Variants in SART1 observed in about 807,000 individuals in gnomAD.
The protein encoded by SART1 is U4/U6.U5 tri-snRNP-associated protein 1.
SART1 carries 28 observed loss-of-function variants against 105.0 expected under a neutral mutation model. The observed-to-expected ratio is 0.27, with a 90% confidence interval of 0.20 to 0.37. The LOEUF (loss-of-function observed/expected upper bound fraction) is 0.37. Ranked by LOEUF, SART1 falls within the 10% of genes least tolerant of loss-of-function variation. SART1 has a pLI of 1.00. For synonymous variants in SART1, 472 were observed against 462.9 expected (o/e 1.02, Z -0.25); for missense variants, 894 against 1,106.5 (o/e 0.81, Z 2.72).
chr11:65,962,119 G>A, intron 1 of SART1, 26 bp downstream of exon 1: 2 of 1,109,926 alleles, frequency 1.8e-6, no homozygotes, highest in Non-Finnish European at 2.5e-6. Context: ...CTGCGCAGGG[G>A]GCGGGTCGGG....
At position 65,966,572 on chromosome 11, in the gene SART1, C is replaced by A; in HGVS notation, c.1188+16C>A. 6.7e-7 allele frequency: 1 copy of A among 1,486,982 alleles called. No individual in the cohort carries two copies. The allele number at this position is 1,486,982 out of a possible 1,614,324, so 92.1% of individuals were successfully genotyped here. On this transcript the variant is annotated intron_variant, in intron 9 of 19. Transcript: ENST00000312397. ...TGAGGAGATGGTGAGCCCTCCCGTG[C>A]CTTATACTCGGGGTCAAGATTCTCC...
intron 2 of SART1, 53 bp from the exon 3 acceptor site, chr11:65,964,462 C>T: frequency 6.3e-7 from 1 of 1,596,824 alleles, no homozygotes; most frequent in Middle Eastern, 1.7e-4. Context: ...TGGAAATGCA[C>T]ATGGCACCCT....
At chr11:65,972,593 C>T (rs1200158612) in intron 12 of SART1, among the ~76,000 whole-genome samples, 1 of 152,002 alleles carries the variant, frequency 6.6e-6, no homozygotes, top group Non-Finnish European at 1.5e-5. Flanking sequence ...CCCTACCAAC[C>T]CCATCTCTAA....
chr11:65,969,215 G>A, intron 12 of SART1, among the ~76,000 whole-genome samples: 1 of 152,198 alleles, frequency 6.6e-6, no homozygotes, highest in South Asian at 2.1e-4. Context: ...CACCTTGAAT[G>A]CTGTGCTGTT....
rs750051780 is a variant in SART1 at position 65,967,472 on chromosome 11, C to T, written c.1315C>T (p.Leu439=). Residue 439 remains leucine (L), a splice_region_variant and synonymous_variant, in exon 11 of 20, where the codon CTG becomes TTG. Transcript: ENST00000312397. ...QTQDGDFGSR[L]RGRGRRRVSE... ...ACCAGAGAGGCCTCCTTCCCTCAGA[C>T]TGCGGGGACGGGGTCGCCGCCGAGT... The T allele has an allele frequency of 1.2e-6, 2 of 1,613,398 alleles. No individual in the cohort carries two copies. Among genetic ancestry groups the T allele is most frequent in the African/African-American group, 1.3e-5 (1 of 74,908 alleles).
rs200956510 is a variant in SART1, at chr11:65,963,481, TG to T, written c.314-592del. 3.9e-3 allele frequency among the ~76,000 whole-genome samples: 582 copies of T among 150,342 alleles called. 6 individuals are homozygous for T. Among genetic ancestry groups the T allele is most frequent in the African/African-American group, 0.011 (441 of 41,310 alleles). ...TGCAGGAAAGGAAGAGTTTTTTTTT[TG>T]TTTTGTTTTGTTTTTTTGAGACAAA... On this transcript the variant is annotated intron_variant, in intron 1 of 19. Coordinates refer to ENST00000312397, the MANE Select transcript of SART1 (RefSeq NM_005146.5).
At chr11:65,975,369 C>G (rs1452323079) in intron 12 of SART1, among the ~76,000 whole-genome samples, 1 of 147,822 alleles carries the variant, frequency 6.8e-6, no homozygotes, top group Non-Finnish European at 1.5e-5. Context: ...TCCCAAAGTG[C>G]TAGGATTATA....
chr11:65,966,915 G>C (rs970345374), intron 9 of SART1, among the ~76,000 whole-genome samples: 5 of 152,190 alleles, frequency 3.3e-5, no homozygotes, highest in Admixed American at 2.6e-4. Context: ...AGAGGTGTGC[G>C]TGGATTCTGT....
chr11:65,966,122 G>T lies in SART1; in HGVS notation c.885G>T (p.Val295=). Residue 295 remains valine (V), a synonymous_variant, in exon 8 of 20, where the codon GTG becomes GTT. Transcript: ENST00000312397. Reference sequence around the variant, plus strand: ...ACGTGCTGGTGAACGTGAACCTGGTGGATAAGGAGCGGGCAGAGAAAAATG... The same window carrying T: ...ACGTGCTGGTGAACGTGAACCTGGTTGATAAGGAGCGGGCAGAGAAAAATG... ...EEDVLVNVNL[V]DKERAEKNVE... is the part of the protein sequence containing the mutation. 1 of 1,613,992 alleles carries T rather than the reference G, an allele frequency of 6.2e-7. No individual in the cohort carries two copies. The highest frequency in any genetic ancestry group is 1.1e-5 in the South Asian group (1 of 91,084).
Position 65,966,158 on chromosome 11 carries a change from G to C in SART1, c.921G>C (p.Arg307=), listed in dbSNP as rs1272158906. ...GGGCAGAGAAAAATGTGGAGCTGCG[G>C]AAGAAGAAGCCTGACTACCTGCCCT... ...KERAEKNVEL[R]KKKPDYLPYA... Residue 307 remains arginine, a synonymous_variant, in exon 8 of 20, where the codon CGG becomes CGC. Coordinates refer to ENST00000312397, the MANE Select transcript of SART1 (RefSeq NM_005146.5). 6.2e-7 allele frequency: 1 copy of C among 1,614,016 alleles called. No individual in the cohort carries two copies. Among genetic ancestry groups the C allele is most frequent in the East Asian group, 2.2e-5 (1 of 44,880 alleles).
chr11:65,968,095 G>A lies in SART1; in HGVS notation c.1572+274G>A, dbSNP rs375455328. Among the ~76,000 whole-genome samples the A allele has an allele frequency of 4.9e-4, 75 of 152,072 alleles. 2 individuals carry two copies. In the South Asian group the frequency reaches 0.013, roughly 27 times the overall value. On this transcript the variant is annotated intron_variant, in intron 12 of 19. Transcript: ENST00000312397. ...CTCCTGAGTAGCTGGGATTACAGGC[G>A]CACGCCACCAGACCCGGCTAATTTT...
chr11:65,974,926 G>C (rs1166514932), intron 12 of SART1, among the ~76,000 whole-genome samples: 3 of 151,892 alleles, frequency 2.0e-5, no homozygotes, highest in African/African-American at 4.8e-5. Flanking sequence ...TGTAGTCCCA[G>C]CTACTCGGGA....
Position 65,977,868 on chromosome 11 carries a change from A to G in SART1, c.2141A>G (p.Asp714Gly). 2 of 1,613,558 alleles carry G rather than the reference A, an allele frequency of 1.2e-6. No individual in the cohort carries two copies. Among genetic ancestry groups the G allele is most frequent in the Non-Finnish European group, 1.7e-6 (2 of 1,179,844 alleles). The change falls in exon 17 of 20, where the codon GAT becomes GGT. Residue 714 changes from aspartate (D) to glycine (G), a missense_variant. Transcript: ENST00000312397. ...CCCGACGTTAAGATCGAATACGTGG[A>G]TGAGACGGGCCGGAAACTCACACCC... ...YKPDVKIEYV[D>G]ETGRKLTPKE...
intron 11 of SART1, 24 bp from the exon 12 acceptor site, chr11:65,967,655 A>C (rs1855287748): frequency 6.9e-6 from 11 of 1,586,690 alleles, no homozygotes; most frequent in Non-Finnish European, 9.4e-6. Context: ...TGGTCTGAGC[A>C]GGCATCCCCT....
In SART1 at chr11:65,978,433, C is replaced by T; in HGVS notation, c.2173-167C>T. 2 of 662,588 alleles carry T rather than the reference C, an allele frequency of 3.0e-6. No individual in the cohort carries two copies. Among genetic ancestry groups the T allele is most frequent in the Non-Finnish European group, 5.3e-6 (2 of 378,234 alleles). The allele number at this position is 662,588 out of a possible 1,614,324, so 41.0% of individuals were successfully genotyped here. On this transcript the variant is annotated intron_variant, in intron 17 of 19. Transcript: ENST00000312397. The surrounding 1 kb of genome is among the most constrained non-coding windows in gnomAD (Gnocchi z 6.8). ...TGGTCTCCCGGCCTCTGCTGGGGCCCTGCAGGGTGCCAGCGTCTGTGCTCT... is the reference window on the plus strand; with the variant it reads ...TGGTCTCCCGGCCTCTGCTGGGGCCTTGCAGGGTGCCAGCGTCTGTGCTCT...
At chr11:65,966,318 C>T (rs1356552329) in intron 8 of SART1, 32 bp from the exon 9 acceptor site, 1 of 1,613,822 alleles carries the variant, frequency 6.2e-7, no homozygotes, top group East Asian at 2.2e-5. Flanking sequence ...AGGAGCCAGC[C>T]TGGGTCCCAA....
rs967376306 is a variant in SART1 at position 65,976,360 on chromosome 11, C to G, written c.1573-35C>G. On this transcript the variant is annotated intron_variant, in intron 12 of 19. Transcript: ENST00000312397. The surrounding 1 kb of genome is among the most constrained non-coding windows in gnomAD (Gnocchi z 5.1). ...GGTCTCAATGGCATCACCCCAGAAA[C>G]TGCTGGGTTTGCCCACAGCCGCTCC... The G allele has an allele frequency of 3.4e-6, 5 of 1,489,764 alleles. No individual in the cohort carries two copies. In the African/African-American group the frequency reaches 4.2e-5, roughly 13 times the overall value. 92.3% of individuals were successfully genotyped at this position (1,489,764 alleles called of 1,614,324 possible). A position where few individuals can be genotyped will look rare whatever the true frequency, so the allele number is the denominator to read the frequency against.
chr11:65,969,618 T>C (rs893187427), intron 12 of SART1, among the ~76,000 whole-genome samples: 2 of 152,200 alleles, frequency 1.3e-5, no homozygotes, highest in Non-Finnish European at 2.9e-5. Flanking sequence ...TCTCAGTGTG[T>C]TGCCCGGGCT....
At chr11:65,963,063 AAAGC>A (rs1312830176) in intron 1 of SART1, among the ~76,000 whole-genome samples, 3 of 152,162 alleles carry the variant, frequency 2.0e-5, no homozygotes, top group Non-Finnish European at 4.4e-5. Context: ...TGGACTGGAT[AAAGC>A]CATTGGGAGT....
Sources: gnomAD v4.1 joint callset for allele counts (sites outside exome capture counted in the v4.1 genomes callset) on GRCh38, gnomAD v4.1.1 for gene constraint, Gnocchi (gnomAD v3.1) non-coding constraint, MANE v1.5 for transcripts, NCBI Gene and HGNC (gene_info 2026-07-23, HGNC 2026-07-21) for gene names.